Variants in GPHN observed in about 807,000 individuals in gnomAD.
The protein encoded by GPHN is gephyrin.
A neutral mutation model predicts 95.5 loss-of-function variants in GPHN; 17 were observed. The observed-to-expected ratio is 0.18, with a 90% CI of 0.12 to 0.27. GPHN has a LOEUF of 0.27. Among genes scored for constraint, GPHN ranks in the 10% least tolerant of loss-of-function variants. The probability of loss-of-function intolerance (pLI) is 1.00; values close to 1 mark genes in which losing one functional copy is unlikely to be tolerated. For missense variants in GPHN, 660 were observed against 978.1 expected (o/e 0.67, Z 4.34); for synonymous variants, 320 against 322.5 (o/e 0.99, Z 0.08).
intron 10 of GPHN, among the ~76,000 whole-genome samples, chr14:67,045,974 G>A (rs1484808649): frequency 6.6e-6 from 1 of 152,044 alleles, no homozygotes; most frequent in East Asian, 1.9e-4. Flanking sequence ...TTGGTTTCTG[G>A]ACTTGGATAC....
chr14:66,604,358 A>G (rs1326982859), intron 1 of GPHN, among the ~76,000 whole-genome samples: 1 of 152,178 alleles, frequency 6.6e-6, no homozygotes, highest in Non-Finnish European at 1.5e-5. Flanking sequence ...AAATTGAAAA[A>G]TATACTATAT....
intron 8 of GPHN, among the ~76,000 whole-genome samples, chr14:66,963,473 C>A (rs755063914): frequency 1.1e-4 from 17 of 151,946 alleles, no homozygotes; most frequent in Non-Finnish European, 2.2e-4. Context: ...AGACATTGAT[C>A]AAAGTATCAC....
chr14:66,894,347 A>G (rs1185622207), intron 5 of GPHN, among the ~76,000 whole-genome samples: 2 of 152,206 alleles, frequency 1.3e-5, no homozygotes, highest in Non-Finnish European at 2.9e-5. Flanking sequence ...CTTACACATT[A>G]TACAAAAATT....
chr14:66,592,387 T>C (rs11853344), intron 1 of GPHN, among the ~76,000 whole-genome samples: 2 of 150,862 alleles, frequency 1.3e-5, no homozygotes, highest in Non-Finnish European at 2.9e-5. Context: ...TGGGAGAAAA[T>C]TTTTGCAATC....
At chr14:66,618,712 G>A (rs1320238074) in intron 1 of GPHN, among the ~76,000 whole-genome samples, 3 of 152,178 alleles carry the variant, frequency 2.0e-5, no homozygotes, top group Non-Finnish European at 2.9e-5. Flanking sequence ...ATTATCTGTG[G>A]CTAGAATCCT....
At chr14:67,218,109 G>A in the GPHN span, among the ~76,000 whole-genome samples, 1 of 152,156 alleles carries the variant, frequency 6.6e-6, no homozygotes, top group African/African-American at 2.4e-5. Context: ...CTTTGCCAGG[G>A]GTAGGCTCAC....
the GPHN span, among the ~76,000 whole-genome samples, chr14:67,192,971 T>G: frequency 2.0e-5 from 3 of 146,798 alleles, no homozygotes; most frequent in African/African-American, 7.4e-5. Flanking sequence ...TATATCGATA[T>G]CTAGATATAG....
chr14:67,265,777 A>T, the GPHN span, among the ~76,000 whole-genome samples: 1 of 150,852 alleles, frequency 6.6e-6, no homozygotes, highest in Non-Finnish European at 1.5e-5. Context: ...GAATCACTTG[A>T]ACCCGGGAGG....
intron 2 of GPHN, among the ~76,000 whole-genome samples, chr14:66,702,889 A>G (rs772279100): frequency 1.6e-4 from 25 of 152,182 alleles, no homozygotes; most frequent in Non-Finnish European, 3.1e-4. Flanking sequence ...CAAAGATAAG[A>G]ACGTTGATAA....
intron 5 of GPHN, among the ~76,000 whole-genome samples, chr14:66,883,655 ATTAG>A (rs991564638): frequency 3.9e-5 from 6 of 152,042 alleles, no homozygotes; most frequent in African/African-American, 1.2e-4. Flanking sequence ...GGGAATTTTA[ATTAG>A]TTAGTTTTAG....
intron 9 of GPHN, among the ~76,000 whole-genome samples, chr14:66,992,699 C>G (rs976480019): frequency 3.3e-5 from 5 of 151,866 alleles, no homozygotes; most frequent in African/African-American, 9.7e-5. Context: ...TGAGTTAATG[C>G]GATAACTCAG....
chr14:67,153,989 TA>T (rs1255405163), intron 18 of GPHN, among the ~76,000 whole-genome samples: 1 of 152,238 alleles, frequency 6.6e-6, no homozygotes, highest in African/African-American at 2.4e-5. Flanking sequence ...GGGCTATTTT[TA>T]AAAACAATTT....
Position 67,181,011 on chromosome 14 carries a change from A to G in GPHN, c.*74A>G, listed in dbSNP as rs1447366045. The G allele has an allele frequency of 2.1e-6, 3 of 1,448,194 alleles. No individual in the cohort carries two copies. Among genetic ancestry groups the G allele is most frequent in the Admixed American group, 3.4e-5 (2 of 58,994 alleles). The allele number at this position is 1,448,194 out of a possible 1,614,324, so 89.7% of individuals were successfully genotyped here. On this transcript the variant is annotated 3_prime_UTR_variant, in exon 23 of 23. Transcript: ENST00000478722. The stretch of plus-strand genomic sequence containing the variant: ...TGTATCCTGTAATATGCAACGGCAC[A>G]GCTAGTTTTCCCGATTTGGATAAAA...
the GPHN span, among the ~76,000 whole-genome samples, chr14:67,584,341 G>A: frequency 6.6e-6 from 1 of 152,088 alleles, no homozygotes; most frequent in East Asian, 1.9e-4. Flanking sequence ...CAAAAGAAAA[G>A]ATGTGATCAA....
chr14:67,056,413 G>C (rs1248575405), intron 10 of GPHN, among the ~76,000 whole-genome samples: 5 of 152,164 alleles, frequency 3.3e-5, no homozygotes, highest in Non-Finnish European at 7.3e-5. Flanking sequence ...CCTTGAGCTA[G>C]ACACAGAGTG....
At chr14:67,375,319 A>G in the GPHN span, among the ~76,000 whole-genome samples, 3 of 148,462 alleles carry the variant, frequency 2.0e-5, no homozygotes, top group African/African-American at 7.5e-5. Context: ...GTAGTGGCGC[A>G]ATCTCAACTT....
At chr14:66,867,217 C>T (rs572864013) in intron 4 of GPHN, among the ~76,000 whole-genome samples, 1 of 152,046 alleles carries the variant, frequency 6.6e-6, no homozygotes, top group South Asian at 2.1e-4. Context: ...AGTGAGATGC[C>T]TTTTACAATT....
At chr14:66,881,312 C>G (rs1021505910) in intron 5 of GPHN, among the ~76,000 whole-genome samples, 11 of 151,886 alleles carry the variant, frequency 7.2e-5, no homozygotes, top group African/African-American at 2.6e-4. Flanking sequence ...TCATAGTGTT[C>G]TTTTTTTAAA....
the GPHN span, chr14:67,312,415 T>G: frequency 1.4e-6 from 1 of 733,156 alleles, no homozygotes; most frequent in Non-Finnish European, 2.0e-6. Context: ...CTGTCTCTAT[T>G]AAATTTTTTT....
Sources: gnomAD v4.1 joint callset for allele counts (sites outside exome capture counted in the v4.1 genomes callset) on GRCh38, gnomAD v4.1.1 for gene constraint, MANE v1.5 for transcripts, NCBI Gene and HGNC (gene_info 2026-07-23, HGNC 2026-07-21) for gene names.